Variants in ANKRD54 observed in about 807,000 individuals in gnomAD.
ANKRD54 encodes the protein ankyrin repeat domain 54, also known as ankyrin repeat domain-containing protein 54.
In ANKRD54, 26 loss-of-function variants were observed where a neutral mutation model predicts 36.2. That is an observed-to-expected ratio of 0.72 (90% confidence interval 0.53 to 1.00). The LOEUF is 1.00. ANKRD54 is among the 50% of genes least tolerant of loss of function. The pLI is 0.00. For synonymous variants in ANKRD54, 209 were observed against 188.4 expected, an observed-to-expected ratio of 1.11 and a Z score of -0.89; for missense variants, 384 against 424.3, an observed-to-expected ratio of 0.91 and a Z score of 0.83.
rs1924607534 is a variant in ANKRD54 at position 37,843,908 on chromosome 22, C to A, written c.328+3G>T. 8.1e-7 allele frequency: 1 copy of A among 1,234,548 alleles called. No individual in the cohort carries two copies. The highest frequency in any genetic ancestry group is 3.5e-5 in the South Asian group (1 of 28,584). 76.5% of individuals were successfully genotyped at this position (1,234,548 alleles called of 1,614,324 possible). ...GGGCCCCCGCGCCGCTCGCGCCGCT[C>A]ACCGTGCACCTCCTTGCCCGTGGGC... On this transcript the variant is annotated splice_donor_region_variant and intron_variant, in intron 1 of 7. Coordinates refer to ENST00000215941, the MANE Select transcript of ANKRD54 (RefSeq NM_138797.4).
Position 37,838,463 on chromosome 22 carries a change from G to A in ANKRD54, c.475+37C>T, listed in dbSNP as rs751548915. 8.3e-6 allele frequency: 13 copies of A among 1,575,164 alleles called. 1 individual carries two copies. In the South Asian group the frequency reaches 1.5e-4, roughly 18 times the overall value. On this transcript the variant is annotated intron_variant, in intron 3 of 7. Transcript: ENST00000215941. Reference sequence around the variant, plus strand: ...CAAGGCCTGTGCAGAGACACTACTTGCCTAGCCCTACTCCCTCCTCCCTCC... The same window carrying A: ...CAAGGCCTGTGCAGAGACACTACTTACCTAGCCCTACTCCCTCCTCCCTCC...
In ANKRD54 at chr22:37,839,969, C is replaced by T. The variant is rs116657104; in HGVS notation, c.376+218G>A. On this transcript the variant is annotated intron_variant, in intron 2 of 7. Coordinates refer to ENST00000215941, the MANE Select transcript of ANKRD54 (RefSeq NM_138797.4). ...GTCCACAGGGTGGTAAATGCTATGA[C>T]ATCAGGAAGTTCAAAGTGACAGGGG... Among the ~76,000 whole-genome samples the T allele has an allele frequency of 3.1e-3, 472 of 152,336 alleles. 2 individuals carry two copies. The highest frequency in any genetic ancestry group is 0.011 in the African/African-American group (451 of 41,574).
chr22:37,836,046 G>T (rs966365789), intron 3 of ANKRD54, among the ~76,000 whole-genome samples: 1 of 151,764 alleles, frequency 6.6e-6, no homozygotes, highest in Non-Finnish European at 1.5e-5. Context: ...GTGTTAGCCA[G>T]GATGGTCTCG....
intron 1 of ANKRD54, among the ~76,000 whole-genome samples, chr22:37,840,489 G>A (rs545589709): frequency 3.3e-5 from 5 of 152,166 alleles, no homozygotes; most frequent in East Asian, 1.9e-4. Flanking sequence ...AACCTGGGAG[G>A]TGGAGCTTGC....
At chr22:37,833,274 G>A (rs1923127083) in intron 4 of ANKRD54, 68 bp from the exon 5 acceptor site, 8 of 1,584,008 alleles carry the variant, frequency 5.1e-6, no homozygotes, top group Non-Finnish European at 6.9e-6. Context: ...GGCCACTGGA[G>A]GGAGCAGGGC....
intron 3 of ANKRD54, among the ~76,000 whole-genome samples, chr22:37,838,293 T>A (rs2145973477): frequency 1.3e-5 from 2 of 152,188 alleles, no homozygotes; most frequent in Admixed American, 1.3e-4. Context: ...TCATATTATC[T>A]CCCCCAGGTT....
rs1268054795 is a variant in ANKRD54, at chr22:37,832,739, G to A, written c.726C>T (p.Ile242=). 6.2e-7 allele frequency: 1 copy of A among 1,614,136 alleles called. No individual in the cohort carries two copies. The highest frequency in any genetic ancestry group is 8.5e-7 in the Non-Finnish European group (1 of 1,180,010). ...EAVRLEVKQI[I]HMLREYLERL... The stretch of plus-strand genomic sequence containing the variant: ...GCTCCAGATACTCCCTCAGCATATG[G>A]ATGATCTGGAACAAGAGGGTGAGCT... The change falls in exon 7 of 8, where the codon ATC becomes ATT. Residue 242 remains isoleucine, a synonymous_variant. Transcript: ENST00000215941.
upstream of ANKRD54, chr22:37,847,777 G>A (rs776728893): frequency 1.4e-5 from 6 of 439,894 alleles, no homozygotes; most frequent in Admixed American, 8.8e-5. Context: ...GGTCGGTAAA[G>A]CTTAAGCTCC....
chr22:37,833,686 A>G lies in ANKRD54; in HGVS notation c.545T>C (p.Leu182Pro). 6.2e-7 allele frequency: 1 copy of G among 1,614,042 alleles called. No individual in the cohort carries two copies. Among genetic ancestry groups the G allele is most frequent in the Admixed American group, 1.7e-5 (1 of 60,012 alleles). ...RDGLGNTPLH[L>P]AACTNHVPVI... is the part of the protein sequence containing the mutation. ...TTAGTGACTTCTGACATGCTTACCC[A>G]GGTGCAGTGGCGTGTTCCCCAGCCC... Residue 182 changes from leucine to proline, a missense_variant and splice_region_variant, in exon 4 of 8, where the codon CTG becomes CCG. Transcript: ENST00000215941.
upstream of ANKRD54, chr22:37,849,298 C>T (rs775783842): frequency 3.2e-6 from 3 of 947,548 alleles, no homozygotes; most frequent in African/African-American, 3.3e-5. Context: ...GGCTCCTCTT[C>T]CTTCTGGATA....
chr22:37,847,993 T>C (rs771102762), upstream of ANKRD54, among the ~76,000 whole-genome samples: 5 of 152,050 alleles, frequency 3.3e-5, no homozygotes, highest in Non-Finnish European at 5.9e-5. Context: ...GATTCTAGAC[T>C]TGGATAACAG....
upstream of ANKRD54, chr22:37,847,608 C>T (rs766781539): frequency 4.2e-6 from 2 of 474,218 alleles, no homozygotes; most frequent in Non-Finnish European, 8.2e-6. Flanking sequence ...ATTATTTTCT[C>T]ACTGTTACAA....
chr22:37,831,602 G>C lies in ANKRD54; in HGVS notation c.*341C>G, dbSNP rs1035959329. 8.0e-5 allele frequency: 25 copies of C among 314,454 alleles called. No individual in the cohort carries two copies. The highest frequency in any genetic ancestry group is 1.3e-4 in the Non-Finnish European group (22 of 163,710). 19.5% of individuals were successfully genotyped at this position (314,454 alleles called of 1,614,324 possible). On this transcript the variant is annotated 3_prime_UTR_variant, in exon 8 of 8. Coordinates refer to ENST00000215941, the MANE Select transcript of ANKRD54 (RefSeq NM_138797.4). ...GGACGGAACACAGAGAAGGGTCTGA[G>C]GCCTGGAGCGCGCCATGAAGGCCAT...
chr22:37,834,068 G>C (rs898169081), intron 3 of ANKRD54: 1 of 328,788 alleles, frequency 3.0e-6, no homozygotes, highest in Non-Finnish European at 5.9e-6. Flanking sequence ...GGCATTTTCT[G>C]CTTCTCCCAC....
intron 4 of ANKRD54, 36 bp from the exon 5 acceptor site, chr22:37,833,242 C>T (rs1283118943): frequency 6.2e-7 from 1 of 1,609,936 alleles, no homozygotes; most frequent in Non-Finnish European, 8.5e-7. Context: ...GAATCCAGGA[C>T]CACCAGAGCC....
At chr22:37,839,783 G>C (rs1328699270) in intron 2 of ANKRD54, among the ~76,000 whole-genome samples, 3 of 152,224 alleles carry the variant, frequency 2.0e-5, no homozygotes, top group African/African-American at 7.2e-5. Context: ...GCCTCCCAAA[G>C]TGCTGGGATT....
chr22:37,832,513 C>T, intron 7 of ANKRD54, 124 bp downstream of exon 7: 1 of 808,902 alleles, frequency 1.2e-6, no homozygotes, highest in South Asian at 1.7e-5. Flanking sequence ...CAGGTGTGAG[C>T]CCCTGCGGCT....
chr22:37,832,552 C>A lies in ANKRD54; in HGVS notation c.828+85G>T. 10 of 1,270,616 alleles carry A rather than the reference C, an allele frequency of 7.9e-6. 1 individual carries two copies. In the South Asian group the frequency reaches 9.9e-5, roughly 13 times the overall value. 78.7% of individuals were successfully genotyped at this position (1,270,616 alleles called of 1,614,324 possible). A position where few individuals can be genotyped will look rare whatever the true frequency, so the allele number is the denominator to read the frequency against. On this transcript the variant is annotated intron_variant, in intron 7 of 7. Coordinates refer to ENST00000215941, the MANE Select transcript of ANKRD54 (RefSeq NM_138797.4). ...CCCAGCCCACAGCCTCTTTCTGATA[C>A]GAGTGTCTGGTGGCATCGGAGCAGG... is the stretch of plus-strand genomic sequence containing the variant.
In ANKRD54 at chr22:37,838,499, C is replaced by A. The variant is rs1427987948; in HGVS notation, c.475+1G>T. On this transcript the variant is annotated splice_donor_variant, in intron 3 of 7. Coordinates refer to ENST00000215941, the MANE Select transcript of ANKRD54 (RefSeq NM_138797.4). LOFTEE classifies it high-confidence loss of function. ...CTCCCTCCTCCCTCCCCAGGACTCA[C>A]CAATCTGGTCATTGCCATTGCATGA... is the stretch of plus-strand genomic sequence containing the variant. The A allele has an allele frequency of 6.2e-7, 1 of 1,610,624 alleles. No individual in the cohort carries two copies. Among genetic ancestry groups the A allele is most frequent in the Non-Finnish European group, 8.5e-7 (1 of 1,178,532 alleles).
Sources: gnomAD v4.1 joint callset for allele counts (sites outside exome capture counted in the v4.1 genomes callset) on GRCh38, gnomAD v4.1.1 for gene constraint, MANE v1.5 for transcripts, NCBI Gene and HGNC (gene_info 2026-07-23, HGNC 2026-07-21) for gene names.